PDXDC1: variants seen among roughly 807,000 people sequenced by gnomAD.
PDXDC1 encodes pyridoxal dependent decarboxylase domain containing 1.
Under a neutral mutation model 100.1 loss-of-function variants are expected in PDXDC1, and 42 were observed. The ratio of observed to expected loss-of-function variants is 0.42; its 90% confidence interval spans 0.33 to 0.54. The LOEUF (loss-of-function observed/expected upper bound fraction) is 0.54. Among genes scored for constraint, PDXDC1 ranks in the 20% least tolerant of loss-of-function variants. PDXDC1 has a pLI of 0.10. For missense variants in PDXDC1, 636 were observed against 979.2 expected (o/e 0.65, Z 4.68); for synonymous variants, 260 against 371.7 (o/e 0.70, Z 3.46).
intron 3 of PDXDC1, among the ~76,000 whole-genome samples, chr16:14,998,871 G>A (rs935053945): frequency 6.6e-6 from 1 of 152,280 alleles, no homozygotes; most frequent in African/African-American, 2.4e-5. Flanking sequence ...CTGAAGTGTC[G>A]TTGGCTGGTT....
At chr16:15,122,313 C>T (rs1262733299) in intron 16 of PDXDC1, among the ~76,000 whole-genome samples, 2 of 147,824 alleles carry the variant, frequency 1.4e-5, no homozygotes, top group East Asian at 2.0e-4. Context: ...TGGGCCCAAG[C>T]GATCCTCCCA....
chr16:15,085,877 TA>T (rs1859464986), intron 16 of PDXDC1, among the ~76,000 whole-genome samples: 1 of 152,204 alleles, frequency 6.6e-6, no homozygotes, highest in African/African-American at 2.4e-5. Context: ...AGCAACTTTA[TA>T]GTTTTTAAAC....
chr16:15,051,103 T>TA (rs1280573634), intron 16 of PDXDC1, among the ~76,000 whole-genome samples: 1 of 152,236 alleles, frequency 6.6e-6, no homozygotes, highest in Non-Finnish European at 1.5e-5. Flanking sequence ...CTGAGATACT[T>TA]ACCTTCTGCT....
chr16:15,135,353 G>A (rs1245699371), intron 16 of PDXDC1: 15 of 1,539,392 alleles, frequency 9.7e-6, no homozygotes, highest in East Asian at 2.4e-5. Flanking sequence ...CACGCCAGCC[G>A]CCAGCCGTTC....
At chr16:15,122,002 G>T (rs1422553469) in intron 16 of PDXDC1, 1 of 269,626 alleles carries the variant, frequency 3.7e-6, no homozygotes, top group Admixed American at 5.1e-5. Flanking sequence ...TTAGCCAGGC[G>T]TGGTGGTCTA....
At chr16:15,006,071 GTGC>G (rs1974187097) in intron 5 of PDXDC1, among the ~76,000 whole-genome samples, 1 of 152,302 alleles carries the variant, frequency 6.6e-6, no homozygotes. Flanking sequence ...GTGTTATCCA[GTGC>G]TGGCCTTAGT....
chr16:15,095,018 A>G (rs901859793), intron 16 of PDXDC1, among the ~76,000 whole-genome samples: 2 of 151,884 alleles, frequency 1.3e-5, no homozygotes, highest in Non-Finnish European at 2.9e-5. Context: ...TCGTATTTTT[A>G]GTGGAGACGG....
intron 8 of PDXDC1, among the ~76,000 whole-genome samples, chr16:15,012,734 C>G (rs1360156547): frequency 2.6e-5 from 4 of 152,248 alleles, no homozygotes; most frequent in African/African-American, 9.6e-5. Context: ...TACCTGTAGT[C>G]CCAGCTACTC....
chr16:15,008,355 T>G (rs1394970221), intron 6 of PDXDC1, among the ~76,000 whole-genome samples: 2 of 152,282 alleles, frequency 1.3e-5, no homozygotes, highest in African/African-American at 4.8e-5. Flanking sequence ...TTATTACTTT[T>G]TAGGGGTGGG....
chr16:14,994,744 T>C (rs910031219), intron 1 of PDXDC1, among the ~76,000 whole-genome samples: 35 of 152,294 alleles, frequency 2.3e-4, no homozygotes, highest in African/African-American at 8.4e-4. Flanking sequence ...GTGGCCGTTT[T>C]CACGATATTG....
intron 1 of PDXDC1, among the ~76,000 whole-genome samples, chr16:14,996,871 A>C (rs1189532357): frequency 6.6e-6 from 1 of 152,296 alleles, no homozygotes; most frequent in Non-Finnish European, 1.5e-5. Flanking sequence ...TATTTGTCAA[A>C]ATAGCTTGTC....
chr16:15,130,143 G>A (rs974432643), intron 16 of PDXDC1: 272 of 1,358,172 alleles, frequency 2.0e-4, no homozygotes, highest in Admixed American at 4.5e-4. Flanking sequence ...GGATAGAGCC[G>A]AGCCCACCCA....
intron 16 of PDXDC1, chr16:15,044,766 T>C (rs1451613430): frequency 2.1e-5 from 5 of 233,978 alleles, no homozygotes; most frequent in African/African-American, 1.1e-4. Context: ...GGCGGATCAC[T>C]TGAGGTTAGG....
chr16:15,068,951 T>C (rs1208530903), intron 16 of PDXDC1, among the ~76,000 whole-genome samples: 1 of 152,244 alleles, frequency 6.6e-6, no homozygotes, highest in Non-Finnish European at 1.5e-5. Flanking sequence ...CTAAATGGGA[T>C]GTCACAGCTT....
chr16:15,128,106 C>T lies in PDXDC1; in HGVS notation c.1400-10773C>T, dbSNP rs202086144. On this transcript the variant is annotated intron_variant, in intron 16 of 16. Transcript: ENST00000535621. ...GCCGTCTGCAGGTCCCTGATGATGACGTGCTGCAGGAACCAGGCAGGGCTG... is the reference window on the plus strand; with the variant it reads ...GCCGTCTGCAGGTCCCTGATGATGATGTGCTGCAGGAACCAGGCAGGGCTG... 662 of 1,608,464 alleles carry T rather than the reference C, an allele frequency of 4.1e-4. 4 individuals are homozygous for T. Among genetic ancestry groups the T allele is most frequent in the Non-Finnish European group, 2.7e-4 (317 of 1,177,606 alleles).
Position 15,110,955 on chromosome 16 carries a change from C to A in PDXDC1, c.1400-27924C>A. The A allele has an allele frequency of 4.3e-6, 3 of 693,050 alleles. 1 individual carries two copies. The highest frequency in any genetic ancestry group is 7.1e-6 in the Non-Finnish European group (3 of 419,674). 42.9% of individuals were successfully genotyped at this position (693,050 alleles called of 1,614,324 possible). On this transcript the variant is annotated intron_variant, in intron 16 of 16. Coordinates refer to the PDXDC1 transcript ENST00000535621. ...ACCAGCCTGGCCAAGATGGTGAAAC[C>A]CCATCTCTACTAAAAATACAAAAAT... is the stretch of plus-strand genomic sequence containing the variant.
At chr16:15,144,499 G>A in the PDXDC1 span, among the ~76,000 whole-genome samples, 14 of 152,074 alleles carry the variant, frequency 9.2e-5, no homozygotes, top group Non-Finnish European at 1.9e-4. Flanking sequence ...AGGGGTGGGG[G>A]TTGCAGCCTC....
chr16:15,142,715 C>G (rs577108315), downstream of PDXDC1, among the ~76,000 whole-genome samples: 13 of 152,238 alleles, frequency 8.5e-5, no homozygotes, highest in Admixed American at 7.8e-4. Context: ...ACGCCAAGGC[C>G]TAGCCAGGCA....
At chr16:14,984,734 C>T (rs1434998059) in intron 1 of PDXDC1, among the ~76,000 whole-genome samples, 8 of 151,990 alleles carry the variant, frequency 5.3e-5, no homozygotes, top group East Asian at 2.0e-4. Context: ...TATCGTGATC[C>T]GCCCGCCTCT....
Sources: allele counts gnomAD v4.1 joint callset (sites outside exome capture counted in the v4.1 genomes callset), GRCh38; gene constraint gnomAD v4.1.1; transcripts MANE v1.5; gene names NCBI Gene and HGNC (gene_info 2026-07-23, HGNC 2026-07-21).